Variants in CTTNBP2 observed in about 807,000 individuals in gnomAD.
The protein encoded by CTTNBP2 is cortactin-binding protein 2.
In CTTNBP2, 108 loss-of-function variants were observed where a neutral mutation model predicts 156.9. The observed-to-expected ratio is 0.69, with a 90% CI of 0.59 to 0.81. The LOEUF (loss-of-function observed/expected upper bound fraction) is 0.81. Among genes scored for constraint, CTTNBP2 ranks in the 30% least tolerant of loss-of-function variants. The pLI is 0.00. For missense variants in CTTNBP2, 1,924 were observed against 2,035.4 expected (o/e 0.95, Z 1.05); for synonymous variants, 767 against 751.8 (o/e 1.02, Z -0.33).
chr7:117,780,557 T>C lies in CTTNBP2; in HGVS notation c.2407A>G (p.Ile803Val). 6.3e-7 allele frequency: 1 copy of C among 1,590,868 alleles called. No homozygotes were observed. The highest frequency in any genetic ancestry group is 8.6e-7 in the Non-Finnish European group (1 of 1,168,130). The change falls in exon 7 of 23, where the codon ATT becomes GTT. Residue 803 changes from isoleucine (I) to valine (V), a missense_variant. Coordinates refer to ENST00000160373, the MANE Select transcript of CTTNBP2 (RefSeq NM_033427.3). Reference sequence around the variant, plus strand: ...TGTCCTCCATCAGCAGCATGATTAATGTTAGCATCATATGAAATTAATAAT... The same window carrying C: ...TGTCCTCCATCAGCAGCATGATTAACGTTAGCATCATATGAAATTAATAAT... Reference protein sequence around the residue: ...VELLISYDANINHAADGGQTP... With the variant: ...VELLISYDANVNHAADGGQTP...
chr7:117,714,005 A>T (rs1013090445), intron 22 of CTTNBP2: 2 of 152,194 alleles, frequency 1.3e-5, no homozygotes, highest in Non-Finnish European at 2.9e-5. Context: ...TGATAAAACA[A>T]AAAACAGATG....
In CTTNBP2 at chr7:117,800,263, G is replaced by A. The variant is rs1240223900; in HGVS notation, c.415-7482C>T. On this transcript the variant is annotated intron_variant, in intron 3 of 22. Transcript: ENST00000160373. The stretch of plus-strand genomic sequence containing the variant: ...GCTAACTATTAAAACAATAGTCATC[G>A]TTTACCTAAAATTCTAATATAGGTA... Among the ~76,000 whole-genome samples the A allele has an allele frequency of 5.9e-5, 9 of 151,894 alleles. No individual in the cohort carries two copies. The South Asian group carries it at 1.5e-3, about 25-fold the overall frequency.
At chr7:117,836,046 G>T (rs1563054644) in intron 2 of CTTNBP2, among the ~76,000 whole-genome samples, 1 of 152,176 alleles carries the variant, frequency 6.6e-6, no homozygotes, top group Non-Finnish European at 1.5e-5. Flanking sequence ...TCACTTTCAA[G>T]AAGAGGGAAT....
chr7:117,829,538 T>A (rs925813279), intron 2 of CTTNBP2, among the ~76,000 whole-genome samples: 2 of 152,206 alleles, frequency 1.3e-5, no homozygotes, highest in South Asian at 2.1e-4. Context: ...GGGAAGATGA[T>A]GCTGTGGACC....
intron 12 of CTTNBP2, among the ~76,000 whole-genome samples, chr7:117,756,344 G>T (rs1796880877): frequency 6.6e-6 from 1 of 152,038 alleles, no homozygotes; most frequent in African/African-American, 2.4e-5. Context: ...GTGGTCTCTG[G>T]ATCCAGGCAA....
At chr7:117,807,547 T>A (rs1800020423) in intron 3 of CTTNBP2, among the ~76,000 whole-genome samples, 1 of 152,226 alleles carries the variant, frequency 6.6e-6, no homozygotes, top group South Asian at 2.1e-4. Flanking sequence ...TTCTCTACTT[T>A]ATGATTCTCC....
chr7:117,864,150 G>A (rs1803954164), intron 1 of CTTNBP2, among the ~76,000 whole-genome samples: 2 of 152,078 alleles, frequency 1.3e-5, no homozygotes, highest in Admixed American at 1.3e-4. Flanking sequence ...GTGACCTACA[G>A]CTAAAACTTC....
At chr7:117,711,893 G>C in intron 22 of CTTNBP2, 111 bp from the exon 23 acceptor site, 1 of 1,076,112 alleles carries the variant, frequency 9.3e-7, no homozygotes, top group Non-Finnish European at 1.3e-6. Flanking sequence ...AAAACTATAG[G>C]TTCTCGTGAA....
Position 117,717,924 on chromosome 7 carries a change from A to AAAAT in CTTNBP2, c.4746+90_4746+93dup, listed in dbSNP as rs548063036. ...TCTCAGTTCTTAGCTTTGGTTTAAA[A>AAAAT]AAATAACTCTGTGATTCACACTGAA... On this transcript the variant is annotated intron_variant, in intron 22 of 22. Transcript: ENST00000160373. 161 of 799,130 alleles carry AAAAT rather than the reference A, an allele frequency of 2.0e-4. No individual in the cohort carries two copies. The East Asian group carries it at 3.1e-3, about 16-fold the overall frequency. The allele number at this position is 799,130 out of a possible 1,614,324, so 49.5% of individuals were successfully genotyped here.
chr7:117,774,169 TAG>T (rs1304117484), intron 8 of CTTNBP2, among the ~76,000 whole-genome samples: 1 of 152,102 alleles, frequency 6.6e-6, no homozygotes, highest in Non-Finnish European at 1.5e-5. Context: ...AGGCCAGCTG[TAG>T]AGAGAGGTTT....
intron 17 of CTTNBP2, 52 bp from the exon 18 acceptor site, chr7:117,725,309 A>C (rs1795029791): frequency 6.6e-7 from 1 of 1,508,636 alleles, no homozygotes; most frequent in Non-Finnish European, 9.2e-7. Context: ...CTCAATAATT[A>C]TACACAATTC....
intron 12 of CTTNBP2, among the ~76,000 whole-genome samples, chr7:117,746,930 T>C (rs1228426965): frequency 2.0e-5 from 3 of 152,166 alleles, no homozygotes; most frequent in Non-Finnish European, 4.4e-5. Context: ...TGCACTTGGA[T>C]GGAAAGGCAA....
intron 2 of CTTNBP2, among the ~76,000 whole-genome samples, chr7:117,811,820 TAATTA>T (rs534383010): frequency 3.3e-5 from 5 of 149,794 alleles, no homozygotes; most frequent in Admixed American, 6.6e-5. Flanking sequence ...GTAAAAATTT[TAATTA>T]AATTAAAATT....
At position 117,860,833 on chromosome 7, in the gene CTTNBP2, T is replaced by C. The variant is rs1311501812; in HGVS notation, c.189+376A>G. Among the ~76,000 whole-genome samples, 3 of 152,334 alleles carry C rather than the reference T, an allele frequency of 2.0e-5. No individual in the cohort carries two copies. The East Asian group carries it at 5.8e-4, about 29-fold the overall frequency. On this transcript the variant is annotated intron_variant, in intron 2 of 22. Coordinates refer to ENST00000160373, the MANE Select transcript of CTTNBP2 (RefSeq NM_033427.3). ...AAATATCTATTACCAGCAATATTTT[T>C]TATAAACCTCAACTTTTCCTCACTG...
At position 117,711,539 on chromosome 7, in the gene CTTNBP2, ATTTG is replaced by A. The variant is rs1190178517; in HGVS notation, c.4986_4989del (p.Lys1663ArgfsTer27). The A allele has an allele frequency of 1.9e-6, 3 of 1,611,790 alleles. No homozygotes were observed. The highest frequency in any genetic ancestry group is 1.3e-5 in the African/African-American group (1 of 74,762). On this transcript the variant is annotated frameshift_variant, in exon 23 of 23. Transcript: ENST00000160373. LOFTEE classifies it high-confidence loss of function. Reference sequence around the variant, plus strand: ...TAATGAGAATATTGTAGGCAGGCCTATTTGTTAGGTTTTTCTAGGTGTTCATTTT... The same window carrying A: ...TAATGAGAATATTGTAGGCAGGCCTATTAGGTTTTTCTAGGTGTTCATTTT...
chr7:117,855,404 C>T (rs534974636), intron 2 of CTTNBP2, among the ~76,000 whole-genome samples: 3 of 152,318 alleles, frequency 2.0e-5, no homozygotes, highest in Non-Finnish European at 2.9e-5. Flanking sequence ...TGAGCTGCCA[C>T]GCCTGGCCAA....
intron 3 of CTTNBP2, among the ~76,000 whole-genome samples, chr7:117,801,440 G>A (rs1799598748): frequency 6.6e-6 from 1 of 152,196 alleles, no homozygotes; most frequent in African/African-American, 2.4e-5. Context: ...TTGAAGAGCT[G>A]TTGCAGCTTA....
chr7:117,710,673 TC>T lies in CTTNBP2; in HGVS notation c.*863del, dbSNP rs1794009274. Reference sequence around the variant, plus strand: ...TGATTTCATGAAATCAATATTTTATTCAGTGTCAAAGCATCTTAACTGAATT... The same window carrying T: ...TGATTTCATGAAATCAATATTTTATTAGTGTCAAAGCATCTTAACTGAATT... On this transcript the variant is annotated 3_prime_UTR_variant, in exon 23 of 23. Transcript: ENST00000160373. 6.6e-6 allele frequency: 1 copy of T among 152,622 alleles called. No homozygotes were observed. The highest frequency in any genetic ancestry group is 1.5e-5 in the Non-Finnish European group (1 of 68,018). 9.5% of individuals were successfully genotyped at this position (152,622 alleles called of 1,614,324 possible).
chr7:117,830,629 G>A (rs1333602112), intron 2 of CTTNBP2, among the ~76,000 whole-genome samples: 1 of 152,168 alleles, frequency 6.6e-6, no homozygotes, highest in Non-Finnish European at 1.5e-5. Context: ...TATATTATTT[G>A]GAGGGAGAAC....
Sources: gnomAD v4.1 joint callset for allele counts (sites outside exome capture counted in the v4.1 genomes callset) on GRCh38, gnomAD v4.1.1 for gene constraint, MANE v1.5 for transcripts, NCBI Gene and HGNC (gene_info 2026-07-23, HGNC 2026-07-21) for gene names.